Variants in PDE4D observed in about 807,000 individuals in gnomAD.
The protein encoded by PDE4D is phosphodiesterase 4D.
Under a neutral mutation model 87.4 loss-of-function variants are expected in PDE4D, and 24 were observed. The ratio of observed to expected loss-of-function variants is 0.27; its 90% CI spans 0.20 to 0.39. The LOEUF (loss-of-function observed/expected upper bound fraction) is 0.39, where lower values mean the gene tolerates loss of function less well. PDE4D is among the 10% of genes least tolerant of loss of function. PDE4D has a pLI of 1.00. For synonymous variants in PDE4D, 384 were observed against 383.2 expected, an observed-to-expected ratio of 1.00 and a Z score of -0.02; for missense variants, 714 against 1,041.0, an observed-to-expected ratio of 0.69 and a Z score of 4.32.
At chr5:59,428,896 A>G (rs1795704926) in intron 1 of PDE4D, among the ~76,000 whole-genome samples, 1 of 152,176 alleles carries the variant, frequency 6.6e-6, no homozygotes, top group African/African-American at 2.4e-5. Flanking sequence ...GAAAAGATGG[A>G]TCTGGTATTT....
chr5:60,103,096 C>T (rs917994274), intron 2 of PDE4D, among the ~76,000 whole-genome samples: 10 of 152,052 alleles, frequency 6.6e-5, no homozygotes, highest in African/African-American at 2.4e-4. Context: ...CCTATTAATT[C>T]ATGAACTCCT....
intron 2 of PDE4D, among the ~76,000 whole-genome samples, chr5:60,153,658 G>A (rs1339047129): frequency 6.6e-6 from 1 of 152,174 alleles, no homozygotes. Context: ...AGAAAATGTA[G>A]TGGTTGTGTG....
intron 1 of PDE4D, among the ~76,000 whole-genome samples, chr5:59,417,167 T>C (rs1381311394): frequency 3.3e-5 from 5 of 152,154 alleles, no homozygotes; most frequent in Non-Finnish European, 7.4e-5. Context: ...GCAAAAATTA[T>C]CTATAACTTT....
chr5:60,232,162 G>T (rs1351074089), intron 1 of PDE4D, among the ~76,000 whole-genome samples: 1 of 151,802 alleles, frequency 6.6e-6, no homozygotes, highest in Non-Finnish European at 1.5e-5. Flanking sequence ...AATTTAAATT[G>T]CTTCAATTAA....
rs71604788 is a variant in PDE4D, at chr5:59,388,626, T to TACACAC, written c.456-172664_456-172659dup. 4.7e-3 allele frequency among the ~76,000 whole-genome samples: 696 copies of TACACAC among 148,298 alleles called. 6 individuals carry two copies. The highest frequency in any genetic ancestry group is 9.0e-3 in the African/African-American group (366 of 40,522). On this transcript the variant is annotated intron_variant, in intron 1 of 14. Coordinates refer to ENST00000340635, the MANE Select transcript of PDE4D (RefSeq NM_001104631.2). ...CAATGAATGGATAAAGAAAATGTGG[T>TACACAC]ACACACACACACACACACACACTCA...
intron 1 of PDE4D, among the ~76,000 whole-genome samples, chr5:60,405,438 A>T (rs1351519726): frequency 6.6e-6 from 1 of 152,218 alleles, no homozygotes; most frequent in Non-Finnish European, 1.5e-5. Context: ...CTGAATCTGT[A>T]ACTGGCGCAA....
intron 5 of PDE4D, among the ~76,000 whole-genome samples, chr5:59,066,048 T>TA (rs544488742): frequency 7.2e-5 from 11 of 152,014 alleles, no homozygotes; most frequent in Middle Eastern, 3.4e-3. Context: ...GATGCTGTTC[T>TA]AAAAAAAATG....
intron 5 of PDE4D, among the ~76,000 whole-genome samples, chr5:59,135,691 C>T (rs16889254): frequency 0.24 from 36,046 of 151,698 alleles, 4,574 homozygotes; most frequent in African/African-American, 0.29. Flanking sequence ...ATCTCCCATA[C>T]GCCAGCACTA....
At chr5:59,665,756 A>G (rs1745978493) in intron 1 of PDE4D, among the ~76,000 whole-genome samples, 3 of 152,218 alleles carry the variant, frequency 2.0e-5, no homozygotes, top group Admixed American at 1.3e-4. Flanking sequence ...CCTTGTGAAC[A>G]GGATTAATGC....
intron 3 of PDE4D, among the ~76,000 whole-genome samples, chr5:59,949,388 G>C (rs576892413): frequency 1.4e-5 from 2 of 146,520 alleles, no homozygotes; most frequent in East Asian, 4.0e-4. Flanking sequence ...AGCCGAGATC[G>C]TGCCACCGCA....
chr5:59,994,471 C>CT (rs1289279255), intron 2 of PDE4D, among the ~76,000 whole-genome samples: 1 of 152,102 alleles, frequency 6.6e-6, no homozygotes, highest in African/African-American at 2.4e-5. Context: ...TCCAGACTCC[C>CT]TTACAGGTAG....
intron 2 of PDE4D, among the ~76,000 whole-genome samples, chr5:59,994,919 G>A (rs185806777): frequency 2.6e-5 from 4 of 152,200 alleles, no homozygotes; most frequent in Non-Finnish European, 2.9e-5. Context: ...TGATGCTTGT[G>A]TCGGGTACTG....
At chr5:59,342,106 A>G (rs745369921) in intron 1 of PDE4D, among the ~76,000 whole-genome samples, 3 of 152,196 alleles carry the variant, frequency 2.0e-5, no homozygotes, top group African/African-American at 4.8e-5. Flanking sequence ...CTTTAAATGC[A>G]TAGTATTCTA....
intron 1 of PDE4D, among the ~76,000 whole-genome samples, chr5:59,768,917 G>A (rs567660203): frequency 2.6e-5 from 4 of 152,198 alleles, no homozygotes; most frequent in Non-Finnish European, 5.9e-5. Context: ...ACCATCAGAT[G>A]CCTGCTGCTG....
intron 1 of PDE4D, among the ~76,000 whole-genome samples, chr5:59,458,766 C>T (rs1475845671): frequency 1.3e-5 from 2 of 152,206 alleles, no homozygotes; most frequent in East Asian, 3.9e-4. Context: ...GAAAGCTTAA[C>T]TGACATAGTT....
chr5:60,493,640 A>T (rs572942440), intron 1 of PDE4D, among the ~76,000 whole-genome samples: 1 of 151,928 alleles, frequency 6.6e-6, no homozygotes, highest in East Asian at 1.9e-4. Context: ...CTCATGCATG[A>T]TCTTTGTCCT....
At chr5:59,048,666 T>C (rs1047091427) in intron 5 of PDE4D, among the ~76,000 whole-genome samples, 7 of 152,202 alleles carry the variant, frequency 4.6e-5, no homozygotes, top group Non-Finnish European at 1.0e-4. Flanking sequence ...CAGGGGTACA[T>C]GTTTTCTATT....
upstream of PDE4D, chr5:59,893,792 G>A: frequency 7.5e-7 from 1 of 1,333,122 alleles, no homozygotes; most frequent in African/African-American, 1.5e-5. Flanking sequence ...CTACCGAGAG[G>A]GGGCCCTGCC....
intron 1 of PDE4D, among the ~76,000 whole-genome samples, chr5:59,392,520 T>C (rs1208062469): frequency 6.7e-6 from 1 of 149,776 alleles, no homozygotes; most frequent in Admixed American, 6.6e-5. Context: ...TATATATATA[T>C]ATATTCCATT....
Sources: gnomAD v4.1 joint callset for allele counts (sites outside exome capture counted in the v4.1 genomes callset) on GRCh38, gnomAD v4.1.1 for gene constraint, MANE v1.5 for transcripts, NCBI Gene and HGNC (gene_info 2026-07-23, HGNC 2026-07-21) for gene names.